The following COL27A1 variants were observed in gnomAD, a reference collection of about 807,000 sequenced individuals.
The protein encoded by COL27A1 is collagen type XXVII alpha 1 chain, also known as collagen alpha-1(XXVII) chain.
A neutral mutation model predicts 251.3 loss-of-function variants in COL27A1; 106 were observed. The observed-to-expected ratio is 0.42, with a 90% CI of 0.36 to 0.50. The LOEUF is 0.50. COL27A1 is among the 20% of genes least tolerant of loss of function. COL27A1 has a pLI of 0.00. For missense variants in COL27A1, 2,325 were observed against 2,522.8 expected, an observed-to-expected ratio of 0.92 and a Z score of 1.68; for synonymous variants, 1,000 against 986.3, an observed-to-expected ratio of 1.01 and a Z score of -0.26.
chr9:114,306,964 C>A (rs1186558733), intron 58 of COL27A1: 3 of 394,354 alleles, frequency 7.6e-6, no homozygotes. Context: ...CTGTCACAGG[C>A]TCCCGGGTGA....
chr9:114,275,788 G>C lies in COL27A1; in HGVS notation c.3717+20G>C. On this transcript the variant is annotated intron_variant, in intron 37 of 60. Transcript: ENST00000356083. ...GTCCGGGTGAGTGTGCAGGCCCCTT[G>C]CAGCGCCTGGAGCTCTGGGGTACCC... 4 of 1,488,986 alleles carry C rather than the reference G, an allele frequency of 2.7e-6. No individual in the cohort carries two copies. The highest frequency in any genetic ancestry group is 3.6e-6 in the Non-Finnish European group (4 of 1,098,154). The allele number at this position is 1,488,986 out of a possible 1,614,324, so 92.2% of individuals were successfully genotyped here.
intron 4 of COL27A1, among the ~76,000 whole-genome samples, chr9:114,179,281 A>G (rs1210575820): frequency 2.0e-5 from 3 of 152,176 alleles, no homozygotes; most frequent in African/African-American, 7.2e-5. Context: ...GGGCTCTGGA[A>G]TCTGCCATCT....
At chr9:114,280,394 C>T (rs1006386212) in intron 37 of COL27A1, among the ~76,000 whole-genome samples, 4 of 152,026 alleles carry the variant, frequency 2.6e-5, no homozygotes, top group Non-Finnish European at 4.4e-5. Context: ...GTAGAGACAG[C>T]ATTTTGCCAT....
chr9:114,243,871 C>G (rs561967987), intron 23 of COL27A1, among the ~76,000 whole-genome samples: 1 of 150,774 alleles, frequency 6.6e-6, no homozygotes, highest in East Asian at 2.0e-4. Flanking sequence ...AGGGAATGCT[C>G]AAGTGTGAGC....
chr9:114,182,729 G>GAA, intron 4 of COL27A1, among the ~76,000 whole-genome samples: 1 of 152,142 alleles, frequency 6.6e-6, no homozygotes, highest in Middle Eastern at 3.2e-3. Flanking sequence ...AGACAGTTAC[G>GAA]AACCTCTGTG....
chr9:114,168,456 C>T lies in COL27A1; in HGVS notation c.901C>T (p.Gln301Ter), dbSNP rs1849062872. The T allele has an allele frequency of 6.2e-7, 1 of 1,613,982 alleles. No homozygotes were observed. Among genetic ancestry groups the T allele is most frequent in the Non-Finnish European group, 8.5e-7 (1 of 1,179,962 alleles). ...GGCACCCGCCACGCCCACCAAGCCC[C>T]AAAGGACTAGCCCCACAAACCCTCA... is the stretch of plus-strand genomic sequence containing the variant. ...TVAPATPTKP[Q>*]RTSPTNPHQH... Residue 301 changes from glutamine to a stop codon, truncating the protein, a stop_gained, in exon 3 of 61, where the codon CAA (glutamine) becomes TAA (stop). Coordinates refer to ENST00000356083, the MANE Select transcript of COL27A1 (RefSeq NM_032888.4). LOFTEE classifies it high-confidence loss of function.
chr9:114,300,980 C>A, intron 51 of COL27A1, 92 bp from the exon 52 acceptor site: 1 of 1,279,608 alleles, frequency 7.8e-7, no homozygotes, highest in Non-Finnish European at 1.1e-6. Flanking sequence ...CTTCTACTCC[C>A]TTGCGACGCT....
At chr9:114,304,537 G>C in intron 56 of COL27A1, 71 bp from the exon 57 acceptor site, 1 of 1,425,234 alleles carries the variant, frequency 7.0e-7, no homozygotes. Flanking sequence ...ATGTGGCCCT[G>C]GGGCTCCCAC....
At chr9:114,210,019 G>C (rs1228606657) in intron 11 of COL27A1, among the ~76,000 whole-genome samples, 1 of 152,198 alleles carries the variant, frequency 6.6e-6, no homozygotes, top group African/African-American at 2.4e-5. Flanking sequence ...AGAGGACCCT[G>C]GGGCAATGTC....
At chr9:114,235,515 T>G in intron 16 of COL27A1, 84 bp from the exon 17 acceptor site, 1 of 1,030,230 alleles carries the variant, frequency 9.7e-7, no homozygotes, top group Non-Finnish European at 1.5e-6. Flanking sequence ...TCGGCACAGC[T>G]GTACCTCGCC....
At chr9:114,295,052 A>C (rs1828168591) in intron 49 of COL27A1, among the ~76,000 whole-genome samples, 1 of 152,246 alleles carries the variant, frequency 6.6e-6, no homozygotes, top group Non-Finnish European at 1.5e-5. Context: ...TGCATAAATG[A>C]ATTGCATTTC....
chr9:114,283,020 G>T (rs1429923322), intron 39 of COL27A1, among the ~76,000 whole-genome samples: 1 of 152,226 alleles, frequency 6.6e-6, no homozygotes, highest in Non-Finnish European at 1.5e-5. Context: ...GAAGGAAGGG[G>T]CCCAGAGGGC....
rs1258415998 is a variant in COL27A1 at position 114,290,709 on chromosome 9, T to C, written c.4369-101T>C. The C allele has an allele frequency of 8.2e-6, 7 of 850,216 alleles. No individual in the cohort carries two copies. The Middle Eastern group carries it at 1.8e-3, about 218-fold the overall frequency. 52.7% of individuals were successfully genotyped at this position (850,216 alleles called of 1,614,324 possible). On this transcript the variant is annotated intron_variant, in intron 47 of 60. Transcript: ENST00000356083. This position sits in a 1 kb window ranked among gnomAD's most constrained non-coding sequence, Gnocchi z 4.6. ...ACCTCCATCCTGGAGTGTGACCCCTTCCTCCAGCTTCACCCAGGGTTTGCC... is the reference window on the plus strand; with the variant it reads ...ACCTCCATCCTGGAGTGTGACCCCTCCCTCCAGCTTCACCCAGGGTTTGCC...
chr9:114,211,058 C>G lies in COL27A1; in HGVS notation c.2367+32C>G, dbSNP rs753931258. ...ATTTTCCGTGTCTATTACGCAGACT[C>G]TAGCGGGGAACCCCACCTCCCACGG... On this transcript the variant is annotated intron_variant, in intron 12 of 60. Transcript: ENST00000356083. 46 of 1,612,292 alleles carry G rather than the reference C, an allele frequency of 2.9e-5. 1 individual carries two copies. The East Asian group carries it at 4.5e-4, about 16-fold the overall frequency.
chr9:114,278,329 T>C, intron 37 of COL27A1, among the ~76,000 whole-genome samples: 1 of 48,238 alleles, frequency 2.1e-5, no homozygotes, highest in South Asian at 9.3e-4. Context: ...GATGAGGTGG[T>C]GATGGTGGTG....
intron 11 of COL27A1, among the ~76,000 whole-genome samples, chr9:114,210,649 T>C (rs1226580426): frequency 6.6e-6 from 1 of 152,088 alleles, no homozygotes; most frequent in Non-Finnish European, 1.5e-5. Context: ...GGGATCTTCC[T>C]CCCCGCCCCC....
At chr9:114,251,357 C>T (rs993900523) in intron 25 of COL27A1, among the ~76,000 whole-genome samples, 1 of 152,108 alleles carries the variant, frequency 6.6e-6, no homozygotes, top group African/African-American at 2.4e-5. Context: ...CCAGGATCCT[C>T]TTGTGCCACA....
Position 114,169,359 on chromosome 9 carries a change from C to G in COL27A1, c.1804C>G (p.Pro602Ala), listed in dbSNP as rs771023425. The G allele has an allele frequency of 6.2e-7, 1 of 1,612,128 alleles. No individual in the cohort carries two copies. The highest frequency in any genetic ancestry group is 1.1e-5 in the South Asian group (1 of 91,008). The stretch of plus-strand genomic sequence containing the variant: ...CCCGGCGCAATTCCTGTCCTCCAGC[C>G]CCCGGCCCACGAGCAGTGGCTATTC... ...LAPAQFLSSSPRPTSSGYSIF... is the reference protein window; with the variant it reads ...LAPAQFLSSSARPTSSGYSIF... Residue 602 changes from proline (P) to alanine (A), a missense_variant, in exon 3 of 61, where the codon CCC (proline) becomes GCC (alanine). By Grantham distance (27) the Pro-to-Ala change is conservative (BLOSUM62 -1). Transcript: ENST00000356083.
At chr9:114,188,961 C>A (rs1241675082) in intron 5 of COL27A1, among the ~76,000 whole-genome samples, 3 of 152,056 alleles carry the variant, frequency 2.0e-5, no homozygotes, top group Non-Finnish European at 4.4e-5. Flanking sequence ...AAGGCTTCAT[C>A]CACCTTACAA....
Sources: gnomAD v4.1 joint callset for allele counts (sites outside exome capture counted in the v4.1 genomes callset) on GRCh38, gnomAD v4.1.1 for gene constraint, Gnocchi (gnomAD v3.1) non-coding constraint, MANE v1.5 for transcripts, NCBI Gene and HGNC (gene_info 2026-07-23, HGNC 2026-07-21) for gene names.